Variants in CSMD1 observed in about 807,000 individuals in gnomAD.
CSMD1 encodes CUB and Sushi multiple domains 1, also known as CUB and sushi domain-containing protein 1.
A neutral mutation model predicts 417.5 loss-of-function variants in CSMD1; 213 were observed. The ratio of observed to expected loss-of-function variants is 0.51; its 90% CI spans 0.46 to 0.57. The LOEUF (loss-of-function observed/expected upper bound fraction) is 0.57, where lower values mean the gene tolerates loss of function less well. Among genes scored for constraint, CSMD1 ranks in the 20% least tolerant of loss-of-function variants. CSMD1 has a pLI of 0.00. For synonymous variants in CSMD1, 2,862 were observed against 1,736.8 expected (o/e 1.65, Z -16.11); for missense variants, 6,923 against 4,529.7 (o/e 1.53, Z -15.17).
chr8:3,375,256 C>T (rs559928571), intron 18 of CSMD1: 1 of 152,174 alleles, frequency 6.6e-6, no homozygotes, highest in Admixed American at 6.5e-5. Flanking sequence ...TCTAACTACT[C>T]CCCACTATTG....
intron 1 of CSMD1, among the ~76,000 whole-genome samples, chr8:4,701,995 A>G (rs1384175900): frequency 6.6e-6 from 1 of 152,184 alleles, no homozygotes; most frequent in Non-Finnish European, 1.5e-5. Flanking sequence ...ATCCTCAGCA[A>G]ACTAACTCAG....
chr8:4,089,236 T>C (rs1563109063), intron 3 of CSMD1, among the ~76,000 whole-genome samples: 1 of 152,146 alleles, frequency 6.6e-6, no homozygotes, highest in Non-Finnish European at 1.5e-5. Flanking sequence ...AGGACATGGG[T>C]CATGTCCATC....
At chr8:3,692,205 T>A (rs1800287222) in intron 7 of CSMD1, among the ~76,000 whole-genome samples, 1 of 152,200 alleles carries the variant, frequency 6.6e-6, no homozygotes, top group African/African-American at 2.4e-5. Context: ...TTATGCCCCA[T>A]ACACCTCAGT....
chr8:3,945,018 G>A (rs1272835375), intron 5 of CSMD1, among the ~76,000 whole-genome samples: 1 of 152,166 alleles, frequency 6.6e-6, no homozygotes, highest in Non-Finnish European at 1.5e-5. Flanking sequence ...AATGTGAAAT[G>A]TCAGATGTCC....
At chr8:4,853,576 G>C (rs1396685407) in intron 1 of CSMD1, among the ~76,000 whole-genome samples, 1 of 152,342 alleles carries the variant, frequency 6.6e-6, no homozygotes, top group African/African-American at 2.4e-5. Flanking sequence ...CAAAGGTAGA[G>C]TCCCACACAG....
At chr8:3,411,712 A>ATATATACACGTACATATATACACGTG (rs1812722378) in intron 12 of CSMD1, among the ~76,000 whole-genome samples, 3 of 124,570 alleles carry the variant, frequency 2.4e-5, no homozygotes, top group Admixed American at 8.5e-5. Context: ...ATATACACGT[A>ATATATACACGTACATATATACACGTG]TATATACACG....
At chr8:4,716,928 G>C (rs551060162) in intron 1 of CSMD1, among the ~76,000 whole-genome samples, 1 of 151,972 alleles carries the variant, frequency 6.6e-6, no homozygotes, top group Admixed American at 6.6e-5. Flanking sequence ...TTAACAATGA[G>C]ATCCAATAGG....
intron 50 of CSMD1, among the ~76,000 whole-genome samples, chr8:3,041,164 T>C (rs1431845510): frequency 1.3e-5 from 2 of 152,160 alleles, no homozygotes; most frequent in Non-Finnish European, 2.9e-5. Flanking sequence ...TCATTCAACA[T>C]TTTTGGACTT....
chr8:3,530,321 T>G (rs1797924657), intron 10 of CSMD1, among the ~76,000 whole-genome samples: 1 of 152,190 alleles, frequency 6.6e-6, no homozygotes, highest in Non-Finnish European at 1.5e-5. Flanking sequence ...TGGCCCTGTT[T>G]TGGCTGCATC....
At chr8:3,024,440 G>A (rs550591052) in intron 51 of CSMD1, among the ~76,000 whole-genome samples, 7 of 151,880 alleles carry the variant, frequency 4.6e-5, no homozygotes, top group Non-Finnish European at 1.0e-4. Flanking sequence ...CAAGTAGCTG[G>A]GATCACAGGT....
intron 3 of CSMD1, among the ~76,000 whole-genome samples, chr8:4,099,893 T>G (rs1421830741): frequency 6.6e-6 from 1 of 152,160 alleles, no homozygotes. Context: ...GGGAACCAGT[T>G]CAGACATGGA....
intron 12 of CSMD1, among the ~76,000 whole-genome samples, chr8:3,432,003 T>A (rs1316147566): frequency 6.6e-6 from 1 of 152,130 alleles, no homozygotes; most frequent in Non-Finnish European, 1.5e-5. Flanking sequence ...ATGTAAGAGA[T>A]CACTGTGTGA....
intron 3 of CSMD1, among the ~76,000 whole-genome samples, chr8:4,118,253 T>A (rs2058001744): frequency 6.6e-6 from 1 of 152,202 alleles, no homozygotes; most frequent in Non-Finnish European, 1.5e-5. Context: ...ACTAAACTTC[T>A]GAAACATGCC....
At chr8:3,462,097 T>A (rs180855407) in intron 12 of CSMD1, among the ~76,000 whole-genome samples, 1 of 138,074 alleles carries the variant, frequency 7.2e-6, no homozygotes, top group Admixed American at 7.8e-5. Flanking sequence ...AAGGGCACCA[T>A]TTGGGTGCTC....
chr8:3,348,981 T>C (rs374478834), intron 21 of CSMD1, among the ~76,000 whole-genome samples: 2 of 152,160 alleles, frequency 1.3e-5, no homozygotes, highest in East Asian at 3.9e-4. Context: ...AGTGGCTACA[T>C]ATACGGGTGC....
In CSMD1 at chr8:3,353,963, T is replaced by G. The variant is rs924732; in HGVS notation, c.3304+5189A>C. On this transcript the variant is annotated intron_variant, in intron 21 of 69. Transcript: ENST00000635120. ...ACCTGTGAAATTTCCTGTCTCAGTCTGCTTGGCCTGCTGTAACAAAGTACC... is the reference window on the plus strand; with the variant it reads ...ACCTGTGAAATTTCCTGTCTCAGTCGGCTTGGCCTGCTGTAACAAAGTACC... 5.1e-3 allele frequency among the ~76,000 whole-genome samples: 780 copies of G among 152,152 alleles called. 7 individuals are homozygous for G. The highest frequency in any genetic ancestry group is 0.017 in the African/African-American group (708 of 41,514).
At chr8:4,193,951 G>C (rs1161100411) in intron 3 of CSMD1, among the ~76,000 whole-genome samples, 1 of 151,836 alleles carries the variant, frequency 6.6e-6, no homozygotes, top group African/African-American at 2.4e-5. Flanking sequence ...GGGGCTGCAG[G>C]TAATTTATAT....
At chr8:4,834,148 A>C (rs150875097) in intron 1 of CSMD1, among the ~76,000 whole-genome samples, 1 of 152,350 alleles carries the variant, frequency 6.6e-6, no homozygotes, top group African/African-American at 2.4e-5. Context: ...CACCTAATTC[A>C]TACAGATAAA....
chr8:4,887,735 G>A (rs1803850812), intron 1 of CSMD1, among the ~76,000 whole-genome samples: 1 of 151,584 alleles, frequency 6.6e-6, no homozygotes, highest in Non-Finnish European at 1.5e-5. Context: ...ATTTACATTT[G>A]TTATATTTTC....
Sources: gnomAD v4.1 joint callset for allele counts (sites outside exome capture counted in the v4.1 genomes callset) on GRCh38, gnomAD v4.1.1 for gene constraint, MANE v1.5 for transcripts, NCBI Gene and HGNC (gene_info 2026-07-23, HGNC 2026-07-21) for gene names.